The following IDUA variants were observed in gnomAD, a reference collection of about 807,000 sequenced individuals.
IDUA encodes the protein iduronidase alpha-L-.
In IDUA, 65 loss-of-function variants were observed where a neutral mutation model predicts 68.9. That is an observed-to-expected ratio of 0.94 (90% CI 0.77 to 1.16). The LOEUF (loss-of-function observed/expected upper bound fraction) is 1.16, where lower values mean the gene tolerates loss of function less well. Ranked by LOEUF, IDUA falls within the 50% of genes most tolerant of loss-of-function variation. The pLI, the probability that IDUA is intolerant of heterozygous loss-of-function variation, is 0.00. For missense variants in IDUA, 1,046 were observed against 938.0 expected (o/e 1.12, Z -1.50); for synonymous variants, 529 against 433.6 (o/e 1.22, Z -2.73).
At chr4:991,200 C>T (rs1174079424) in intron 2 of IDUA, 1 of 1,602,318 alleles carries the variant, frequency 6.2e-7, no homozygotes, top group East Asian at 2.2e-5. Context: ...CGCAGTCCAG[C>T]ATGGCAGCCG....
At chr4:995,046 CTT>C (rs562525715) in intron 2 of IDUA, among the ~76,000 whole-genome samples, 21 of 138,866 alleles carry the variant, frequency 1.5e-4, no homozygotes, top group Non-Finnish European at 1.1e-4. Flanking sequence ...GCCTACAAGT[CTT>C]TTTTTTTTTT....
At chr4:989,779 G>A (rs1224725950) in intron 2 of IDUA, 2 of 1,566,704 alleles carry the variant, frequency 1.3e-6, no homozygotes, top group African/African-American at 1.4e-5. Flanking sequence ...GAGGAAGGCG[G>A]GTAGCACGTT....
chr4:1,003,699 C>A, intron 12 of IDUA, 74 bp downstream of exon 12: 1 of 1,525,318 alleles, frequency 6.6e-7, no homozygotes, highest in South Asian at 1.1e-5. Context: ...TTCACCCATG[C>A]GGTCACTCGG....
rs756283453 is a variant in IDUA, at chr4:991,973, A to G, written c.299+4024A>G. ...GGGATTACGACACCAAGCCCATGCC[A>G]TGGGGTGTGCTGAGGCCAGCAGTGC... is the stretch of plus-strand genomic sequence containing the variant. On this transcript the variant is annotated intron_variant, in intron 2 of 13. Coordinates refer to ENST00000514224, the MANE Select transcript of IDUA (RefSeq NM_000203.5). The G allele has an allele frequency of 5.3e-5, 40 of 749,566 alleles. No individual in the cohort carries two copies. In the African/African-American group the frequency reaches 5.9e-4, roughly 11 times the overall value. 46.4% of individuals were successfully genotyped at this position (749,566 alleles called of 1,614,324 possible).
rs147163995 is a variant in IDUA, at chr4:1,004,360, G to A, written c.1929G>A (p.Val643=). ...SDPVPYLEVP[V]PRGPPSPGNP is the part of the protein sequence containing the mutation. ...CTGTGCCGTACCTGGAGGTCCCTGT[G>A]CCAAGAGGGCCCCCATCCCCGGGCA... The change falls in exon 14 of 14, where the codon GTG becomes GTA. Residue 643 remains valine, a synonymous_variant. Transcript: ENST00000514224. This position sits in a 1 kb window ranked among gnomAD's most constrained non-coding sequence, Gnocchi z 5.0. 22 of 1,611,182 alleles carry A rather than the reference G, an allele frequency of 1.4e-5. No homozygotes were observed. Among genetic ancestry groups the A allele is most frequent in the Non-Finnish European group, 1.8e-5 (21 of 1,179,950 alleles).
intron 8 of IDUA, 91 bp from the exon 9 acceptor site, chr4:1,002,636 AAGGGG>A: frequency 8.5e-7 from 1 of 1,175,010 alleles, no homozygotes; most frequent in South Asian, 1.5e-5. Context: ...CTCCTTCACC[AAGGGG>A]AGGGGGAGCG....
At chr4:989,428 CGGCCG>C in intron 2 of IDUA, 22 of 1,554,954 alleles carry the variant, frequency 1.4e-5, no homozygotes, top group Non-Finnish European at 1.8e-5. Context: ...GCGTTGGGTG[CGGCCG>C]GCCAGGCTGA....
chr4:1,004,032 T>C lies in IDUA; in HGVS notation c.1748T>C (p.Ile583Thr). 1 of 1,610,988 alleles carries C rather than the reference T, an allele frequency of 6.2e-7. No homozygotes were observed. Among genetic ancestry groups the C allele is most frequent in the Non-Finnish European group, 8.5e-7 (1 of 1,179,408 alleles). ...VGSKCLWTYE[I>T]QFSQDGKAYT... is the part of the protein sequence containing the mutation. Reference sequence around the variant, plus strand: ...CCCAGGTGCCTGTGGACATACGAGATCCAGTTCTCTCAGGACGGTAAGGCG... The same window carrying C: ...CCCAGGTGCCTGTGGACATACGAGACCCAGTTCTCTCAGGACGGTAAGGCG... Residue 583 changes from isoleucine to threonine, a missense_variant, in exon 13 of 14, where the codon ATC becomes ACC. Ile to Thr is a moderately conservative substitution (Grantham distance 89). Transcript: ENST00000514224. This position sits in a 1 kb window ranked among gnomAD's most constrained non-coding sequence, Gnocchi z 5.0.
chr4:1,002,711 C>CGGGGGGG, intron 8 of IDUA, 21 bp from the exon 9 acceptor site: 1 of 1,403,260 alleles, frequency 7.1e-7, no homozygotes, highest in Middle Eastern at 2.5e-4. Flanking sequence ...CACGCGGCGA[C>CGGGGGGG]GGCCCCCCCC....
In IDUA at chr4:1,003,618, G is replaced by T. The variant is rs1417716357; in HGVS notation, c.1720G>T (p.Gly574Cys). ...TCTGGTCTGGTCGGATGAACACGTG[G>T]GCTCCAAGTGCGTGAGTGGGGCCGC... ...LVLVWSDEHV[G>C]SKCLWTYEIQ... Residue 574 changes from glycine to cysteine, a missense_variant, in exon 12 of 14, where the codon GGC becomes TGC. Gly to Cys is a radical substitution (Grantham distance 159). Transcript: ENST00000514224. 6.2e-7 allele frequency: 1 copy of T among 1,612,402 alleles called. No individual in the cohort carries two copies.
In IDUA at chr4:1,002,831, C is replaced by G; in HGVS notation, c.1289C>G (p.Pro430Arg). ...GCCAGCGCCCACCGCCCCCAGGGCCCGGCCGACGCCTGGCGCGCCGCGGTG... is the reference window on the plus strand; with the variant it reads ...GCCAGCGCCCACCGCCCCCAGGGCCGGGCCGACGCCTGGCGCGCCGCGGTG... ...VLASAHRPQG[P>R]ADAWRAAVLI... Residue 430 changes from proline to arginine, a missense_variant, in exon 9 of 14, where the codon CCG becomes CGG. Coordinates refer to ENST00000514224, the MANE Select transcript of IDUA (RefSeq NM_000203.5). 2 of 1,454,504 alleles carry G rather than the reference C, an allele frequency of 1.4e-6. No homozygotes were observed. The highest frequency in any genetic ancestry group is 1.8e-6 in the Non-Finnish European group (2 of 1,109,558). 90.1% of individuals were successfully genotyped at this position (1,454,504 alleles called of 1,614,324 possible). A position where few individuals can be genotyped will look rare whatever the true frequency, so the allele number is the denominator to read the frequency against.
intron 11 of IDUA, 34 bp downstream of exon 11, chr4:1,003,504 C>T (rs778679378): frequency 2.5e-6 from 4 of 1,600,706 alleles, no homozygotes; most frequent in South Asian, 1.1e-5. Context: ...CGCCGCGGCC[C>T]GGACTCCCCT....
At chr4:1,003,991 T>C (rs1233082696) in intron 12 of IDUA, 21 bp from the exon 13 acceptor site, 1 of 1,595,742 alleles carries the variant, frequency 6.3e-7, no homozygotes, top group South Asian at 1.1e-5. Flanking sequence ...CCCAGCCTTG[T>C]TCTTGGCCTG....
At position 1,004,492 on chromosome 4, in the gene IDUA, TA is replaced by T. The variant is rs1715326474; in HGVS notation, c.*100del. 8.7e-7 allele frequency: 1 copy of T among 1,156,000 alleles called. No homozygotes were observed. Among genetic ancestry groups the T allele is most frequent in the Admixed American group, 2.6e-5 (1 of 38,746 alleles). 71.6% of individuals were successfully genotyped at this position (1,156,000 alleles called of 1,614,324 possible). Reference sequence around the variant, plus strand: ...CCCTCCCATCACCCCCTTTGCAATATATTTTTATATTTTATTATTTTCTTTT... The same window carrying T: ...CCCTCCCATCACCCCCTTTGCAATATTTTTTATATTTTATTATTTTCTTTT... On this transcript the variant is annotated 3_prime_UTR_variant, in exon 14 of 14. Transcript: ENST00000514224. The surrounding 1 kb of genome is among the most constrained non-coding windows in gnomAD (Gnocchi z 5.0).
In IDUA at chr4:1,004,167, G is replaced by A. The variant is rs1715302653; in HGVS notation, c.1828+55G>A. 6.2e-7 allele frequency: 1 copy of A among 1,611,356 alleles called. No homozygotes were observed. The highest frequency in any genetic ancestry group is 1.3e-5 in the African/African-American group (1 of 74,888). On this transcript the variant is annotated intron_variant, in intron 13 of 13. Coordinates refer to ENST00000514224, the MANE Select transcript of IDUA (RefSeq NM_000203.5). This position sits in a 1 kb window ranked among gnomAD's most constrained non-coding sequence, Gnocchi z 5.0. ...GGCCACCCCATTCTTGGGCCTCAGGGCAGTACTGGGTGGGGGCCTCGAGAA... is the reference window on the plus strand; with the variant it reads ...GGCCACCCCATTCTTGGGCCTCAGGACAGTACTGGGTGGGGGCCTCGAGAA...
intron 8 of IDUA, 53 bp downstream of exon 8, chr4:1,002,538 G>A (rs1715159571): frequency 1.4e-6 from 2 of 1,406,062 alleles, no homozygotes; most frequent in Non-Finnish European, 1.8e-6. Context: ...GCTGGGGAGC[G>A]GCTCCTGCGA....
rs768467230 is a variant in IDUA, at chr4:1,004,345, C to T, written c.1914C>T (p.Tyr638=). Residue 638 remains tyrosine, a synonymous_variant, in exon 14 of 14, where the codon TAC becomes TAT. Transcript: ENST00000514224. The surrounding 1 kb of genome is among the most constrained non-coding windows in gnomAD (Gnocchi z 5.0). ...RPGPFSDPVP[Y]LEVPVPRGPP... ...GCCCCTTCTCGGACCCTGTGCCGTA[C>T]CTGGAGGTCCCTGTGCCAAGAGGGC... 5 of 1,611,708 alleles carry T rather than the reference C, an allele frequency of 3.1e-6. No homozygotes were observed. Among genetic ancestry groups the T allele is most frequent in the Non-Finnish European group, 4.2e-6 (5 of 1,179,962 alleles).
At chr4:1,003,510 C>G in intron 11 of IDUA, 39 bp from the exon 12 acceptor site, 1 of 1,603,860 alleles carries the variant, frequency 6.2e-7, no homozygotes, top group Non-Finnish European at 8.5e-7. Flanking sequence ...GGCCCGGACT[C>G]CCCTTCCCCG....
intron 2 of IDUA, among the ~76,000 whole-genome samples, chr4:994,749 C>A (rs893340056): frequency 6.8e-6 from 1 of 146,344 alleles, no homozygotes; most frequent in African/African-American, 2.6e-5. Flanking sequence ...CCCCTGCCCC[C>A]CAACCTTTAA....
Sources: allele counts gnomAD v4.1 joint callset (sites outside exome capture counted in the v4.1 genomes callset), GRCh38; gene constraint gnomAD v4.1.1; non-coding constraint Gnocchi (gnomAD v3.1); transcripts MANE v1.5; gene names NCBI Gene and HGNC (gene_info 2026-07-23, HGNC 2026-07-21).